The following TIMP3 variants were observed in gnomAD, a reference collection of about 807,000 sequenced individuals.
TIMP3 encodes TIMP metallopeptidase inhibitor 3, also known as metalloproteinase inhibitor 3.
Under a neutral mutation model 30.0 loss-of-function variants are expected in TIMP3, and 11 were observed. The observed-to-expected ratio is 0.37, with a 90% confidence interval of 0.23 to 0.61. TIMP3 has a LOEUF of 0.61. Among genes scored for constraint, TIMP3 ranks in the 20% least tolerant of loss-of-function variants. The pLI, the probability that TIMP3 is intolerant of heterozygous loss-of-function variation, is 0.70. For synonymous variants in TIMP3, 112 were observed against 111.3 expected, an observed-to-expected ratio of 1.01 and a Z score of -0.04; for missense variants, 181 against 276.8, an observed-to-expected ratio of 0.65 and a Z score of 2.45.
chr22:32,844,999 G>A (rs1170524023), intron 1 of TIMP3, among the ~76,000 whole-genome samples: 2 of 152,168 alleles, frequency 1.3e-5, no homozygotes, highest in Non-Finnish European at 2.9e-5. Flanking sequence ...AAAGTGATGA[G>A]ATTATAGGCA....
chr22:32,809,721 G>T (rs2046861055), intron 1 of TIMP3, among the ~76,000 whole-genome samples: 1 of 152,176 alleles, frequency 6.6e-6, no homozygotes, highest in Non-Finnish European at 1.5e-5. Context: ...ATAGCCGAAA[G>T]CAAGGACGGT....
At chr22:32,818,975 G>GCCT (rs760360308) in intron 1 of TIMP3, among the ~76,000 whole-genome samples, 4 of 152,288 alleles carry the variant, frequency 2.6e-5, no homozygotes, top group South Asian at 2.1e-4. Context: ...CCTATTTCCT[G>GCCT]CCTCCTCCTC....
chr22:32,814,141 T>TGTGA (rs2046996889), intron 1 of TIMP3, among the ~76,000 whole-genome samples: 3 of 98,500 alleles, frequency 3.0e-5, no homozygotes, highest in African/African-American at 1.2e-4. Context: ...TGTGTGTGTG[T>TGTGA]GAGAGAGAGA....
chr22:32,839,259 G>A (rs895464558), intron 1 of TIMP3, among the ~76,000 whole-genome samples: 4 of 152,134 alleles, frequency 2.6e-5, no homozygotes, highest in Admixed American at 6.5e-5. Flanking sequence ...CAAGGGAGGT[G>A]TAGGTGAGGA....
chr22:32,804,445 A>G (rs924788197), intron 1 of TIMP3, among the ~76,000 whole-genome samples: 7 of 152,194 alleles, frequency 4.6e-5, no homozygotes, highest in Admixed American at 2.0e-4. Context: ...GGACCCACAC[A>G]ACCCCACCAG....
At chr22:32,811,929 C>T (rs898830178) in intron 1 of TIMP3, among the ~76,000 whole-genome samples, 1 of 152,142 alleles carries the variant, frequency 6.6e-6, no homozygotes, top group Non-Finnish European at 1.5e-5. Context: ...GGAATGGTGA[C>T]AATGAACTTG....
At chr22:32,833,137 G>C (rs2146141025) in intron 1 of TIMP3, among the ~76,000 whole-genome samples, 1 of 152,248 alleles carries the variant, frequency 6.6e-6, no homozygotes, top group Middle Eastern at 3.4e-3. Context: ...AAGTGGGGAA[G>C]GTGAACTCTC....
At chr22:32,803,200 TTGCCGCCCTC>T (rs2046637853) in intron 1 of TIMP3, among the ~76,000 whole-genome samples, 1 of 151,966 alleles carries the variant, frequency 6.6e-6, no homozygotes, top group African/African-American at 2.4e-5. Flanking sequence ...TGGGACAGCC[TTGCCGCCCTC>T]TGCCTGTGTC....
Position 32,862,894 on chromosome 22 carries a change from A to G in TIMP3, c.*3517A>G, listed in dbSNP as rs1339522328. 6.6e-6 allele frequency: 1 copy of G among 152,610 alleles called. No individual in the cohort carries two copies. The highest frequency in any genetic ancestry group is 1.5e-5 in the Non-Finnish European group (1 of 68,026). 9.5% of individuals were successfully genotyped at this position (152,610 alleles called of 1,614,324 possible). On this transcript the variant is annotated 3_prime_UTR_variant, in exon 5 of 5. Transcript: ENST00000266085. ...CTAGAAGGAATGTATTTGTTGCTAA[A>G]TTTCGTAGCACTGTTTACAGTTTTC...
chr22:32,829,558 C>T (rs978703549), intron 1 of TIMP3, among the ~76,000 whole-genome samples: 7 of 152,242 alleles, frequency 4.6e-5, no homozygotes, highest in African/African-American at 1.4e-4. Context: ...CCTCCTGTTT[C>T]GTGAAAAACG....
intron 1 of TIMP3, among the ~76,000 whole-genome samples, chr22:32,830,265 T>C (rs987139083): frequency 2.6e-5 from 4 of 152,216 alleles, no homozygotes; most frequent in African/African-American, 9.6e-5. Context: ...TGCTGTTCAC[T>C]GAGTGGTTAC....
At chr22:32,849,414 C>G (rs1454498872) in intron 1 of TIMP3, 38 bp from the exon 2 acceptor site, 4 of 1,590,278 alleles carry the variant, frequency 2.5e-6, no homozygotes, top group Non-Finnish European at 3.4e-6. Context: ...GTGGTTCAGG[C>G]CTTCCTAACC....
chr22:32,846,174 T>C (rs999036343), intron 1 of TIMP3, among the ~76,000 whole-genome samples: 3 of 152,248 alleles, frequency 2.0e-5, no homozygotes, highest in African/African-American at 7.2e-5. Flanking sequence ...CTTGTTTGGC[T>C]GGTCTTAGTA....
At chr22:32,814,725 C>T (rs984020160) in intron 1 of TIMP3, among the ~76,000 whole-genome samples, 10 of 152,218 alleles carry the variant, frequency 6.6e-5, no homozygotes, top group East Asian at 5.8e-4. Context: ...ACAAATAGTT[C>T]GAATTCCTTC....
At chr22:32,848,519 T>C (rs1052154159) in intron 1 of TIMP3, among the ~76,000 whole-genome samples, 2 of 152,156 alleles carry the variant, frequency 1.3e-5, no homozygotes, top group African/African-American at 2.4e-5. Flanking sequence ...TGGCACATAG[T>C]AGGTGTGCAA....
chr22:32,816,850 G>C (rs2047099020), intron 1 of TIMP3, among the ~76,000 whole-genome samples: 1 of 152,196 alleles, frequency 6.6e-6, no homozygotes, highest in Non-Finnish European at 1.5e-5. Flanking sequence ...GATGGGGCAG[G>C]CAACATTTCT....
At chr22:32,836,967 G>T (rs1406962731) in intron 1 of TIMP3, among the ~76,000 whole-genome samples, 1 of 152,224 alleles carries the variant, frequency 6.6e-6, no homozygotes, top group African/African-American at 2.4e-5. Flanking sequence ...TTTGCTGTCT[G>T]CAAAGGCTGC....
chr22:32,809,601 G>A (rs577860191), intron 1 of TIMP3, among the ~76,000 whole-genome samples: 11 of 152,128 alleles, frequency 7.2e-5, no homozygotes, highest in Non-Finnish European at 1.2e-4. Context: ...ACAATTTCAT[G>A]TGTTGAGTGT....
In TIMP3 at chr22:32,802,137, T is replaced by G. The variant is rs1346458837; in HGVS notation, c.121+15T>G. On this transcript the variant is annotated intron_variant, in intron 1 of 4. Transcript: ENST00000266085. ...CTCCGACATCGGTAAGCGCTCCTGG[T>G]GCCCCGCCCGAGCCCCACGCTGCAG... 1.3e-6 allele frequency: 2 copies of G among 1,575,080 alleles called. No homozygotes were observed. Among genetic ancestry groups the G allele is most frequent in the Non-Finnish European group, 1.7e-6 (2 of 1,167,006 alleles).
Sources: gnomAD v4.1 joint callset for allele counts (sites outside exome capture counted in the v4.1 genomes callset) on GRCh38, gnomAD v4.1.1 for gene constraint, MANE v1.5 for transcripts, NCBI Gene and HGNC (gene_info 2026-07-23, HGNC 2026-07-21) for gene names.